SKAP1: variants seen among roughly 807,000 people sequenced by gnomAD.
The protein encoded by SKAP1 is src kinase-associated phosphoprotein 1.
SKAP1 carries 44 observed loss-of-function variants against 58.5 expected under a neutral mutation model. That is an observed-to-expected ratio of 0.75 (90% confidence interval 0.59 to 0.97). The LOEUF (loss-of-function observed/expected upper bound fraction) is 0.97, where lower values mean the gene tolerates loss of function less well. Ranked by LOEUF, SKAP1 falls within the 50% of genes least tolerant of loss-of-function variation. SKAP1 has a pLI of 0.00. For synonymous variants in SKAP1, 127 were observed against 149.7 expected (o/e 0.85, Z 1.11); for missense variants, 390 against 435.2 (o/e 0.90, Z 0.92).
At position 48,380,237 on chromosome 17, in the gene SKAP1, C is replaced by T. The variant is rs2067198362; in HGVS notation, c.153-16423G>A. On this transcript the variant is annotated intron_variant, in intron 2 of 12. Transcript: ENST00000336915. ...TTCTGTCTCACTTTGAGGGATTCTC[C>T]AGCATCAGAAACATCTTGAGATGTT... 4 of 152,168 alleles carry T rather than the reference C, an allele frequency of 2.6e-5. No homozygotes were observed. The South Asian group carries it at 8.3e-4, about 31-fold the overall frequency. The allele number at this position is 152,168 out of a possible 1,614,324, so 9.4% of individuals were successfully genotyped here.
At chr17:48,192,414 T>A (rs181089415) in intron 4 of SKAP1, among the ~76,000 whole-genome samples, 183 of 152,312 alleles carry the variant, frequency 1.2e-3, no homozygotes, top group African/African-American at 4.3e-3. Flanking sequence ...CCTCCTTTTT[T>A]TAATGCAAAT....
At chr17:48,333,276 AAATGTAAT>A (rs2066528227) in intron 4 of SKAP1, among the ~76,000 whole-genome samples, 1 of 152,220 alleles carries the variant, frequency 6.6e-6, no homozygotes, top group African/African-American at 2.4e-5. Flanking sequence ...AGAAACAACA[AAATGTAAT>A]AATGTAAGAA....
chr17:48,422,737 A>G (rs1052232771), intron 1 of SKAP1, among the ~76,000 whole-genome samples: 2 of 152,248 alleles, frequency 1.3e-5, no homozygotes, highest in African/African-American at 4.8e-5. Context: ...ATTAAAGAAC[A>G]GAAATGTTTA....
At chr17:48,245,242 A>T (rs10514938) in intron 4 of SKAP1, among the ~76,000 whole-genome samples, 21,238 of 152,176 alleles carry the variant, frequency 0.14, 2,045 homozygotes, top group Non-Finnish European at 0.2. Context: ...ATAAGATTAC[A>T]ACCAAAAATG....
In SKAP1 at chr17:48,226,803, T is replaced by C. The variant is rs182244843; in HGVS notation, c.281-37303A>G. Among the ~76,000 whole-genome samples the C allele has an allele frequency of 1.7e-4, 26 of 152,310 alleles. No homozygotes were observed. In the Middle Eastern group the frequency reaches 0.01, roughly 60 times the overall value. On this transcript the variant is annotated intron_variant, in intron 4 of 12. Transcript: ENST00000336915. ...ATTCCATACAGTCTGCATGGTAAAC[T>C]TGATGCTTAATTTATTCAAAAGGGA...
At chr17:48,408,331 C>T (rs1355682039) in intron 1 of SKAP1, among the ~76,000 whole-genome samples, 1 of 152,050 alleles carries the variant, frequency 6.6e-6, no homozygotes, top group Admixed American at 6.6e-5. Context: ...AAGAAAGTTG[C>T]CGAAATGTTT....
Position 48,430,150 on chromosome 17 carries a change from G to C in SKAP1, c.-30C>G. The stretch of plus-strand genomic sequence containing the variant: ...CTGGGCGGGAGAGAGGCGGGACGGG[G>C]CGCGGGCCCTGGTCGGGAGGCGGAC... On this transcript the variant is annotated 5_prime_UTR_variant, in exon 1 of 13. Transcript: ENST00000336915. 8.0e-7 allele frequency: 1 copy of C among 1,254,026 alleles called. No homozygotes were observed. The highest frequency in any genetic ancestry group is 1.0e-6 in the Non-Finnish European group (1 of 991,842). 77.7% of individuals were successfully genotyped at this position (1,254,026 alleles called of 1,614,324 possible). A position where few individuals can be genotyped will look rare whatever the true frequency, so the allele number is the denominator to read the frequency against.
chr17:48,356,736 A>G, intron 3 of SKAP1, among the ~76,000 whole-genome samples: 1 of 152,258 alleles, frequency 6.6e-6, no homozygotes, highest in East Asian at 1.9e-4. Context: ...ATTAAAAAAT[A>G]ATACATGCAC....
chr17:48,171,364 CCAAA>C lies in SKAP1; in HGVS notation c.827-709_827-706del, dbSNP rs1236013104. On this transcript the variant is annotated intron_variant, in intron 9 of 12. Transcript: ENST00000336915. ...CAGATGATCCGCCCACCTTGGCCTC[CCAAA>C]GTGCTGGGATTACAGGCGTGAGCCA... 5.3e-5 allele frequency among the ~76,000 whole-genome samples: 8 copies of C among 152,140 alleles called. No homozygotes were observed. The East Asian group carries it at 1.5e-3, about 29-fold the overall frequency.
chr17:48,218,317 C>T (rs2064963813), intron 4 of SKAP1, among the ~76,000 whole-genome samples: 1 of 152,148 alleles, frequency 6.6e-6, no homozygotes, highest in Non-Finnish European at 1.5e-5. Context: ...ATGTTACCAA[C>T]CAACCCTTCT....
At chr17:48,147,724 C>T (rs538611398) in intron 11 of SKAP1, among the ~76,000 whole-genome samples, 1 of 152,272 alleles carries the variant, frequency 6.6e-6, no homozygotes, top group East Asian at 1.9e-4. Context: ...GGCAGCCTCT[C>T]CAGGCTGTTT....
rs148377284 is a variant in SKAP1 at position 48,420,294 on chromosome 17, A to G, written c.46+9781T>C. ...TAAAATGATTAAAAACTGTTTAAGT[A>G]TTATACTTATGAAATTAGGTAAAAA... On this transcript the variant is annotated intron_variant, in intron 1 of 12. Transcript: ENST00000336915. Among the ~76,000 whole-genome samples, 74 of 152,314 alleles carry G rather than the reference A, an allele frequency of 4.9e-4. No individual in the cohort carries two copies. In the East Asian group the frequency reaches 0.012, roughly 25 times the overall value.
At chr17:48,347,579 C>A (rs2066739402) in intron 3 of SKAP1, among the ~76,000 whole-genome samples, 1 of 152,048 alleles carries the variant, frequency 6.6e-6, no homozygotes, top group Non-Finnish European at 1.5e-5. Flanking sequence ...TAGAAATAAA[C>A]TATAAAGTTT....
chr17:48,422,463 A>G (rs1432039514), intron 1 of SKAP1, among the ~76,000 whole-genome samples: 2 of 152,230 alleles, frequency 1.3e-5, no homozygotes, highest in African/African-American at 2.4e-5. Flanking sequence ...TATTCTTCAT[A>G]TAAATTCTGT....
chr17:48,420,828 T>C (rs1323316860), intron 1 of SKAP1, among the ~76,000 whole-genome samples: 1 of 152,116 alleles, frequency 6.6e-6, no homozygotes, highest in East Asian at 1.9e-4. Context: ...GGAGGGAGTG[T>C]CCTGTGCATT....
At chr17:48,354,735 T>A (rs773194819) in intron 3 of SKAP1, among the ~76,000 whole-genome samples, 1 of 152,198 alleles carries the variant, frequency 6.6e-6, no homozygotes, top group Admixed American at 6.5e-5. Flanking sequence ...AGAAGCCAAA[T>A]GAAAAATAAA....
rs111360471 is a variant in SKAP1, at chr17:48,384,946, G to A, written c.152+11734C>T. ...TGCCTCCTAAGGAGAACGTGGTGAG[G>A]AAAGAGAAAACCCTGAGGAACAAGA... On this transcript the variant is annotated intron_variant, in intron 2 of 12. Coordinates refer to ENST00000336915, the MANE Select transcript of SKAP1 (RefSeq NM_003726.4). Among the ~76,000 whole-genome samples, 19 of 152,246 alleles carry A rather than the reference G, an allele frequency of 1.2e-4. 3 individuals are homozygous for A. Among genetic ancestry groups the A allele is most frequent in the African/African-American group, 4.6e-4 (19 of 41,528 alleles).
intron 1 of SKAP1, among the ~76,000 whole-genome samples, chr17:48,411,090 A>G (rs1392761137): frequency 6.6e-6 from 1 of 152,084 alleles, no homozygotes; most frequent in Non-Finnish European, 1.5e-5. Flanking sequence ...ACTTATATCA[A>G]TAAATGGTTG....
intron 4 of SKAP1, among the ~76,000 whole-genome samples, chr17:48,247,306 T>C (rs762717845): frequency 1.3e-5 from 2 of 152,098 alleles, no homozygotes; most frequent in Non-Finnish European, 2.9e-5. Flanking sequence ...CATGAAAGCA[T>C]GGACATGATA....
Sources: allele counts gnomAD v4.1 joint callset (sites outside exome capture counted in the v4.1 genomes callset), GRCh38; gene constraint gnomAD v4.1.1; transcripts MANE v1.5; gene names NCBI Gene and HGNC (gene_info 2026-07-23, HGNC 2026-07-21).